The following GJB2 variants were observed in gnomAD, a reference collection of about 807,000 sequenced individuals.
GJB2 encodes gap junction protein beta 2, also known as gap junction beta-2 protein.
A neutral mutation model predicts 16.0 loss-of-function variants in GJB2; 30 were observed. The observed-to-expected ratio is 1.88, with a 90% CI of 1.41 to 2.55. GJB2 has a LOEUF of 2.55. Among genes scored for constraint, GJB2 ranks in the 30% most tolerant of loss-of-function variants. The pLI, the probability that GJB2 is intolerant of heterozygous loss-of-function variation, is 0.00. For synonymous variants in GJB2, 123 were observed against 119.1 expected, an observed-to-expected ratio of 1.03 and a Z score of -0.21; for missense variants, 284 against 289.7, an observed-to-expected ratio of 0.98 and a Z score of 0.14.
Position 20,189,159 on chromosome 13 carries a change from G to A in GJB2, c.423C>T (p.Phe141=). ...AGGCGGCTTCGAAGATGACCCGGAA[G>A]AAGATGCTGCTTGTGTAGGTCCACC... ...SLWWTYTSSI[F]FRVIFEAAFM... Residue 141 remains phenylalanine (F), a synonymous_variant, in exon 2 of 2, where the codon TTC becomes TTT. Transcript: ENST00000382848. The A allele has an allele frequency of 1.2e-6, 2 of 1,614,160 alleles. No homozygotes were observed. Among genetic ancestry groups the A allele is most frequent in the Non-Finnish European group, 1.7e-6 (2 of 1,180,052 alleles).
chr13:20,189,602 C>T lies in GJB2; in HGVS notation c.-21G>A. On this transcript the variant is annotated splice_region_variant and 5_prime_UTR_variant, in exon 2 of 2. Coordinates refer to ENST00000382848, the MANE Select transcript of GJB2 (RefSeq NM_004004.6). ...TCCATCTTCTACTCTGGGCGGTTTGCTCTGGAAAAGACGAATGCACACAAC... is the reference window on the plus strand; with the variant it reads ...TCCATCTTCTACTCTGGGCGGTTTGTTCTGGAAAAGACGAATGCACACAAC... The T allele has an allele frequency of 6.2e-7, 1 of 1,611,870 alleles. No homozygotes were observed. Among genetic ancestry groups the T allele is most frequent in the Non-Finnish European group, 8.5e-7 (1 of 1,178,288 alleles).
At chr13:20,190,549 G>A (rs1453717730) in intron 1 of GJB2, among the ~76,000 whole-genome samples, 5 of 152,232 alleles carry the variant, frequency 3.3e-5, no homozygotes, top group African/African-American at 9.6e-5. Flanking sequence ...GCTAAGCGAC[G>A]TCACTGCATT....
At position 20,192,783 on chromosome 13, in the gene GJB2, C is replaced by A. The variant is rs786204734; in HGVS notation, c.-23G>T. ...GGCAGTCCGGGGCCGGCGGGCTCACCTGCGTCGGGAGGAAGCGCGGCGGGG... is the reference window on the plus strand; with the variant it reads ...GGCAGTCCGGGGCCGGCGGGCTCACATGCGTCGGGAGGAAGCGCGGCGGGG... On this transcript the variant is annotated splice_region_variant and 5_prime_UTR_variant, in exon 1 of 2. Coordinates refer to ENST00000382848, the MANE Select transcript of GJB2 (RefSeq NM_004004.6). 4.6e-5 allele frequency: 7 copies of A among 153,340 alleles called. No individual in the cohort carries two copies. The South Asian group carries it at 1.3e-3, about 29-fold the overall frequency. The allele number at this position is 153,340 out of a possible 1,614,324, so 9.5% of individuals were successfully genotyped here. A position where few individuals can be genotyped will look rare whatever the true frequency, so the allele number is the denominator to read the frequency against.
intron 1 of GJB2, among the ~76,000 whole-genome samples, chr13:20,190,024 C>A (rs1959067620): frequency 6.6e-6 from 1 of 152,210 alleles, no homozygotes; most frequent in Non-Finnish European, 1.5e-5. Flanking sequence ...ACAGCTGCAT[C>A]CATTTGCAGT....
At chr13:20,192,259 G>T (rs1959081222) in intron 1 of GJB2, among the ~76,000 whole-genome samples, 1 of 152,206 alleles carries the variant, frequency 6.6e-6, no homozygotes, top group Non-Finnish European at 1.5e-5. Context: ...GGCTGGCTCC[G>T]CGTTAGTTCT....
rs1481417187 is a variant in GJB2, at chr13:20,189,349, G to A, written c.233C>T (p.Ala78Val). The stretch of plus-strand genomic sequence containing the variant: ...CGTGGACACGAAGATCAGCTGCAGG[G>A]CCCATAGCCGGATGTGGGAGATGGG... ...YFPISHIRLWALQLIFVSTPA... is the reference protein window; with the variant it reads ...YFPISHIRLWVLQLIFVSTPA... Residue 78 changes from alanine (A) to valine (V), a missense_variant, in exon 2 of 2, where the codon GCC becomes GTC. Coordinates refer to ENST00000382848, the MANE Select transcript of GJB2 (RefSeq NM_004004.6). 2 of 1,614,134 alleles carry A rather than the reference G, an allele frequency of 1.2e-6. No homozygotes were observed. Among genetic ancestry groups the A allele is most frequent in the Non-Finnish European group, 1.7e-6 (2 of 1,180,018 alleles).
intron 1 of GJB2, chr13:20,189,884 T>C: frequency 2.2e-6 from 1 of 452,780 alleles, no homozygotes; most frequent in Non-Finnish European, 4.1e-6. Context: ...ATCATAAAAA[T>C]TTGCTGTGCT....
Position 20,189,382 on chromosome 13 carries a change from T to A in GJB2, c.200A>T (p.His67Leu). 6.2e-7 allele frequency: 1 copy of A among 1,614,110 alleles called. No individual in the cohort carries two copies. Among genetic ancestry groups the A allele is most frequent in the Non-Finnish European group, 8.5e-7 (1 of 1,179,938 alleles). Reference sequence around the variant, plus strand: ...CCGGATGTGGGAGATGGGGAAGTAGTGATCGTAGCACACGTTCTTGCAGCC... The same window carrying A: ...CCGGATGTGGGAGATGGGGAAGTAGAGATCGTAGCACACGTTCTTGCAGCC... Reference protein sequence around the residue: ...QPGCKNVCYDHYFPISHIRLW... With the variant: ...QPGCKNVCYDLYFPISHIRLW... Residue 67 changes from histidine to leucine, a missense_variant, in exon 2 of 2, where the codon CAC (histidine) becomes CTC (leucine). His to Leu is a moderately conservative substitution (Grantham distance 99). Coordinates refer to ENST00000382848, the MANE Select transcript of GJB2 (RefSeq NM_004004.6).
chr13:20,192,559 G>A (rs934545179), intron 1 of GJB2, among the ~76,000 whole-genome samples: 22 of 151,866 alleles, frequency 1.4e-4, no homozygotes, highest in South Asian at 1.3e-3. Context: ...CGCACCCCGG[G>A]CGGTGCCATC....
At chr13:20,192,536 G>T (rs1042542698) in intron 1 of GJB2, among the ~76,000 whole-genome samples, 6 of 152,106 alleles carry the variant, frequency 3.9e-5, no homozygotes, top group African/African-American at 1.2e-4. Flanking sequence ...TCCCGCGCGC[G>T]CCCGGCCCCA....
At chr13:20,190,649 G>A (rs1449552702) in intron 1 of GJB2, among the ~76,000 whole-genome samples, 1 of 152,154 alleles carries the variant, frequency 6.6e-6, no homozygotes, top group Non-Finnish European at 1.5e-5. Flanking sequence ...GTGAGCCCAT[G>A]GCCTTCTTTT....
chr13:20,192,721 G>C (rs911994680), intron 1 of GJB2, 62 bp downstream of exon 1: 1 of 152,254 alleles, frequency 6.6e-6, no homozygotes, highest in Non-Finnish European at 1.5e-5. Context: ...AACCGCTCTG[G>C]GTCTCGCGGT....
At chr13:20,192,701 G>GCGGC (rs1868382824) in intron 1 of GJB2, 82 bp downstream of exon 1, 1 of 152,140 alleles carries the variant, frequency 6.6e-6, no homozygotes, top group African/African-American at 2.4e-5. Flanking sequence ...CGAGACCCAC[G>GCGGC]CGGCCGGGCA....
rs9578260 is a variant in GJB2, at chr13:20,189,615, G to A, written c.-22-12C>T. On this transcript the variant is annotated splice_polypyrimidine_tract_variant and intron_variant, in intron 1 of 1. Transcript: ENST00000382848. Reference sequence around the variant, plus strand: ...CTGGGCGGTTTGCTCTGGAAAAGACGAATGCACACAACACAGGAATCACTA... The same window carrying A: ...CTGGGCGGTTTGCTCTGGAAAAGACAAATGCACACAACACAGGAATCACTA... The A allele has an allele frequency of 0.013, 20,557 of 1,576,854 alleles. 2,205 individuals carry two copies. The African/African-American group carries it at 0.24, about 18-fold the overall frequency.
At chr13:20,190,171 A>G (rs1959068388) in intron 1 of GJB2, among the ~76,000 whole-genome samples, 1 of 152,246 alleles carries the variant, frequency 6.6e-6, no homozygotes, top group South Asian at 2.1e-4. Context: ...TAATGTCTTG[A>G]ATGAATTTTC....
In GJB2 at chr13:20,187,662, T is replaced by C. The variant is rs1016745684; in HGVS notation, c.*1239A>G. On this transcript the variant is annotated 3_prime_UTR_variant, in exon 2 of 2. Transcript: ENST00000382848. ...CATTTTTTGGAAACCATGTCAAGCA[T>C]AATGGCAATATTCAGGTTCAATCTT... 1 of 152,314 alleles carries C rather than the reference T, an allele frequency of 6.6e-6. No homozygotes were observed. Among genetic ancestry groups the C allele is most frequent in the South Asian group, 2.1e-4 (1 of 4,812 alleles). The allele number at this position is 152,314 out of a possible 1,614,324, so 9.4% of individuals were successfully genotyped here. A position where few individuals can be genotyped will look rare whatever the true frequency, so the allele number is the denominator to read the frequency against.
At chr13:20,191,627 G>A (rs1163385609) in intron 1 of GJB2, among the ~76,000 whole-genome samples, 1 of 152,188 alleles carries the variant, frequency 6.6e-6, no homozygotes, top group East Asian at 1.9e-4. Context: ...AGTCAGAGGA[G>A]GAGCTGCCCT....
In GJB2 at chr13:20,189,384, A is replaced by G. The variant is rs1299526291; in HGVS notation, c.198T>C (p.Asp66=). The G allele has an allele frequency of 6.2e-7, 1 of 1,613,824 alleles. No homozygotes were observed. The highest frequency in any genetic ancestry group is 1.3e-5 in the African/African-American group (1 of 74,920). ...LQPGCKNVCY[D]HYFPISHIRL... is the part of the protein sequence containing the mutation. The stretch of plus-strand genomic sequence containing the variant: ...GGATGTGGGAGATGGGGAAGTAGTG[A>G]TCGTAGCACACGTTCTTGCAGCCTG... Residue 66 remains aspartate (D), a synonymous_variant, in exon 2 of 2, where the codon GAT becomes GAC. Transcript: ENST00000382848.
rs1566527913 is a variant in GJB2, at chr13:20,188,439, C to T, written c.*462G>A. The T allele has an allele frequency of 6.2e-6, 1 of 161,960 alleles. No homozygotes were observed. The highest frequency in any genetic ancestry group is 1.3e-5 in the Non-Finnish European group (1 of 74,108). 10.0% of individuals were successfully genotyped at this position (161,960 alleles called of 1,614,324 possible). A position where few individuals can be genotyped will look rare whatever the true frequency, so the allele number is the denominator to read the frequency against. On this transcript the variant is annotated 3_prime_UTR_variant, in exon 2 of 2. Coordinates refer to ENST00000382848, the MANE Select transcript of GJB2 (RefSeq NM_004004.6). Reference sequence around the variant, plus strand: ...CTTTGTCCACTGTTAGAGATTAAAACTTCCAAAGCAAATGAAAGAACCAAT... The same window carrying T: ...CTTTGTCCACTGTTAGAGATTAAAATTTCCAAAGCAAATGAAAGAACCAAT...
Sources: allele counts gnomAD v4.1 joint callset (sites outside exome capture counted in the v4.1 genomes callset), GRCh38; gene constraint gnomAD v4.1.1; transcripts MANE v1.5; gene names NCBI Gene and HGNC (gene_info 2026-07-23, HGNC 2026-07-21).